Variants in THRAP3 observed in about 807,000 individuals in gnomAD.
The protein encoded by THRAP3 is thyroid hormone receptor associated protein 3.
THRAP3 carries 16 observed loss-of-function variants against 101.0 expected under a neutral mutation model. That is an observed-to-expected ratio of 0.16 (90% CI 0.11 to 0.24). The LOEUF is 0.24. Among genes scored for constraint, THRAP3 ranks in the 10% least tolerant of loss-of-function variants. The pLI is 1.00. For synonymous variants in THRAP3, 407 were observed against 422.6 expected (o/e 0.96, Z 0.45); for missense variants, 989 against 1,202.7 (o/e 0.82, Z 2.63).
intron 1 of THRAP3, among the ~76,000 whole-genome samples, chr1:36,233,008 A>G (rs1645046174): frequency 6.6e-6 from 1 of 151,166 alleles, no homozygotes; most frequent in Non-Finnish European, 1.5e-5. Flanking sequence ...AGCTGGGATT[A>G]TAGGCACATA....
At chr1:36,252,283 G>A (rs1002030889) in intron 1 of THRAP3, among the ~76,000 whole-genome samples, 1 of 152,138 alleles carries the variant, frequency 6.6e-6, no homozygotes, top group Non-Finnish European at 1.5e-5. Context: ...GTGCCACCAT[G>A]CCCCGCTAAT....
At chr1:36,299,996 G>T (rs545296823) in intron 9 of THRAP3, among the ~76,000 whole-genome samples, 1 of 152,218 alleles carries the variant, frequency 6.6e-6, no homozygotes, top group East Asian at 1.9e-4. Flanking sequence ...ACAATGATAG[G>T]TTACTGACAT....
intron 1 of THRAP3, among the ~76,000 whole-genome samples, chr1:36,239,518 C>G (rs1438589840): frequency 2.6e-5 from 4 of 152,186 alleles, no homozygotes; most frequent in African/African-American, 9.6e-5. Context: ...CCTCTCACCT[C>G]GGCCTCCTAA....
chr1:36,218,283 C>T, the THRAP3 span, among the ~76,000 whole-genome samples: 299 of 140,774 alleles, frequency 2.1e-3, 1 homozygote, highest in African/African-American at 7.1e-3. Flanking sequence ...GCAGGAGAAT[C>T]GCTTGAAATC....
At chr1:36,281,178 A>G (rs1645727045) in intron 2 of THRAP3, among the ~76,000 whole-genome samples, 1 of 152,118 alleles carries the variant, frequency 6.6e-6, no homozygotes, top group South Asian at 2.1e-4. Context: ...AAGTGCTGGG[A>G]TTACAGGCGT....
intron 4 of THRAP3, chr1:36,287,736 GGAAAGGCCAAGGCATAGTCCA>G (rs1645814221): frequency 1.0e-6 from 1 of 985,348 alleles, no homozygotes; most frequent in Admixed American, 6.1e-5. Context: ...GGGCAGAATG[GGAAAGGCCAAGGCATAGTCCA>G]GGAAGGCCTT....
At chr1:36,274,625 C>CTTTTTTTTTTTT (rs573419051) in intron 2 of THRAP3, among the ~76,000 whole-genome samples, 2 of 59,284 alleles carry the variant, frequency 3.4e-5, no homozygotes, top group Non-Finnish European at 6.0e-5. Flanking sequence ...ATTAATTGGG[C>CTTTTTTTTTTTT]TTTTTTTTTT....
chr1:36,249,675 G>A (rs1645273817), intron 1 of THRAP3, among the ~76,000 whole-genome samples: 1 of 107,882 alleles, frequency 9.3e-6, no homozygotes, highest in African/African-American at 3.0e-5. Flanking sequence ...AATAAGCGAA[G>A]CAGGTGGTGA....
upstream of THRAP3, among the ~76,000 whole-genome samples, chr1:36,221,850 C>T (rs551885938): frequency 6.8e-6 from 1 of 147,798 alleles, no homozygotes; most frequent in East Asian, 2.0e-4. Context: ...GCTCTTGTTA[C>T]TCAGGCTGGA....
intron 2 of THRAP3, among the ~76,000 whole-genome samples, chr1:36,274,189 GTAAT>G (rs1645627518): frequency 1.3e-5 from 2 of 151,948 alleles, no homozygotes; most frequent in Admixed American, 1.3e-4. Context: ...TCAATCGTAA[GTAAT>G]TTCATTTGCA....
chr1:36,225,885 T>C (rs572023339), intron 1 of THRAP3, among the ~76,000 whole-genome samples: 1 of 152,336 alleles, frequency 6.6e-6, no homozygotes, highest in East Asian at 1.9e-4. Context: ...GTAAGAGAGT[T>C]GTGTTGAGGT....
chr1:36,251,571 T>C (rs1214795218), intron 1 of THRAP3, among the ~76,000 whole-genome samples: 1 of 152,198 alleles, frequency 6.6e-6, no homozygotes, highest in East Asian at 1.9e-4. Flanking sequence ...ACTGCTCTTT[T>C]TACAGGTTTT....
the THRAP3 span, among the ~76,000 whole-genome samples, chr1:36,212,631 A>G: frequency 1.3e-3 from 198 of 151,956 alleles, no homozygotes; most frequent in African/African-American, 4.7e-3. Flanking sequence ...TGTTGGCCAC[A>G]CTGGTCTCGA....
intron 2 of THRAP3, among the ~76,000 whole-genome samples, chr1:36,274,650 G>A (rs1380476441): frequency 4.2e-5 from 2 of 48,166 alleles, no homozygotes; most frequent in Non-Finnish European, 8.3e-5. Flanking sequence ...TTTTTTTTTT[G>A]AGTTGGAGTT....
the THRAP3 span, among the ~76,000 whole-genome samples, chr1:36,217,086 C>T: frequency 6.6e-6 from 1 of 152,098 alleles, no homozygotes; most frequent in African/African-American, 2.4e-5. Flanking sequence ...GGTATGTGCC[C>T]ACCAAATGAA....
intron 1 of THRAP3, among the ~76,000 whole-genome samples, chr1:36,253,877 T>TTACAG (rs1247364542): frequency 6.6e-6 from 1 of 151,772 alleles, no homozygotes; most frequent in East Asian, 1.9e-4. Context: ...AGTGTTGGGA[T>TTACAG]TACAGATGTG....
rs894671087 is a variant in THRAP3, at chr1:36,287,166, C to T, written c.936C>T (p.Ser312=). 7 of 1,614,038 alleles carry T rather than the reference C, an allele frequency of 4.3e-6. No individual in the cohort carries two copies. The highest frequency in any genetic ancestry group is 2.7e-5 in the African/African-American group (2 of 74,906). The change falls in exon 4 of 12, where the codon TCC becomes TCT. Residue 312 remains serine, a synonymous_variant. Coordinates refer to ENST00000354618, the MANE Select transcript of THRAP3 (RefSeq NM_005119.4). The part of the protein sequence containing the change: ...FDHGSGSLSP[S]KKSPVGKSPP... ...ATGGTTCTGGGTCCCTGAGTCCATC[C>T]AAAAAGAGCCCTGTGGGTAAGAGTC... is the stretch of plus-strand genomic sequence containing the variant.
chr1:36,208,181 A>ACC, the THRAP3 span, among the ~76,000 whole-genome samples: 1 of 152,142 alleles, frequency 6.6e-6, no homozygotes, highest in South Asian at 2.1e-4. Context: ...CCATGTGAGC[A>ACC]CCCAAAGCTG....
chr1:36,300,268 G>C (rs1438931522), intron 9 of THRAP3, among the ~76,000 whole-genome samples: 5 of 152,180 alleles, frequency 3.3e-5, no homozygotes, highest in African/African-American at 4.8e-5. Context: ...GTAATATGTG[G>C]AGTCGTGGTA....
Sources: allele counts gnomAD v4.1 joint callset (sites outside exome capture counted in the v4.1 genomes callset), GRCh38; gene constraint gnomAD v4.1.1; transcripts MANE v1.5; gene names NCBI Gene and HGNC (gene_info 2026-07-23, HGNC 2026-07-21).